The following LMX1B variants were observed in gnomAD, a reference collection of about 807,000 sequenced individuals.
LMX1B encodes the protein LIM homeobox transcription factor 1 beta.
In LMX1B, 12 loss-of-function variants were observed where a neutral mutation model predicts 51.4. The observed-to-expected ratio is 0.23, with a 90% CI of 0.15 to 0.38. The LOEUF is 0.38. Ranked by LOEUF, LMX1B falls within the 10% of genes least tolerant of loss-of-function variation. The pLI is 1.00. For missense variants in LMX1B, 445 were observed against 571.1 expected (o/e 0.78, Z 2.25); for synonymous variants, 237 against 235.4 (o/e 1.01, Z -0.06).
intron 2 of LMX1B, among the ~76,000 whole-genome samples, chr9:126,643,312 T>C (rs1042134449): frequency 6.6e-6 from 1 of 152,152 alleles, no homozygotes; most frequent in Admixed American, 6.5e-5. Flanking sequence ...GCCAACTCTC[T>C]TTGAGGCTCA....
chr9:126,669,717 C>A (rs968067003), intron 2 of LMX1B, among the ~76,000 whole-genome samples: 1 of 152,104 alleles, frequency 6.6e-6, no homozygotes, highest in Non-Finnish European at 1.5e-5. Context: ...ATTCTGGTCA[C>A]CTCATGTGTG....
intron 2 of LMX1B, among the ~76,000 whole-genome samples, chr9:126,632,353 AG>A: frequency 6.6e-6 from 1 of 151,914 alleles, no homozygotes; most frequent in Non-Finnish European, 1.5e-5. Flanking sequence ...GCATTCCAGG[AG>A]GGGGCCCTGG....
At chr9:126,678,863 G>T (rs1311568514) in intron 2 of LMX1B, among the ~76,000 whole-genome samples, 3 of 152,180 alleles carry the variant, frequency 2.0e-5, no homozygotes, top group Non-Finnish European at 4.4e-5. Flanking sequence ...AAAGAAAATT[G>T]ATTTAAAAAA....
rs1050663323 is a variant in LMX1B, at chr9:126,625,168, T to C, written c.326+9599T>C. ...CTTACAACCGTGTCCCCTCCACCCC[T>C]TCCGAGGACGGCGGGAAGAGGGGGC... On this transcript the variant is annotated intron_variant, in intron 2 of 7. Coordinates refer to ENST00000373474, the MANE Select transcript of LMX1B (RefSeq NM_001174147.2). This position sits in a 1 kb window ranked among gnomAD's most constrained non-coding sequence, Gnocchi z 5.3. Among the ~76,000 whole-genome samples the C allele has an allele frequency of 3.9e-5, 6 of 152,192 alleles. No individual in the cohort carries two copies. Among genetic ancestry groups the C allele is most frequent in the African/African-American group, 1.4e-4 (6 of 41,456 alleles).
intron 2 of LMX1B, among the ~76,000 whole-genome samples, chr9:126,637,832 C>A (rs1224166899): frequency 2.2e-5 from 3 of 139,212 alleles, no homozygotes; most frequent in African/African-American, 8.1e-5. Context: ...TCCCCCCCCC[C>A]CGCCCCCCGC....
intron 2 of LMX1B, among the ~76,000 whole-genome samples, chr9:126,637,310 G>T (rs994391853): frequency 6.6e-6 from 1 of 152,146 alleles, no homozygotes; most frequent in African/African-American, 2.4e-5. Context: ...GTGTGTGTCA[G>T]TGTGTGTGTC....
chr9:126,691,257 T>C (rs2030120910), intron 3 of LMX1B, among the ~76,000 whole-genome samples, 189 bp downstream of exon 3: 1 of 151,828 alleles, frequency 6.6e-6, no homozygotes, highest in South Asian at 2.1e-4. Context: ...CGAACATGCA[T>C]CCCCCCAGGC....
At position 126,673,968 on chromosome 9, in the gene LMX1B, A is replaced by G. The variant is rs1383546169; in HGVS notation, c.327-16868A>G. 6.6e-6 allele frequency among the ~76,000 whole-genome samples: 1 copy of G among 151,982 alleles called. No individual in the cohort carries two copies. Among genetic ancestry groups the G allele is most frequent in the African/African-American group, 2.4e-5 (1 of 41,330 alleles). The stretch of plus-strand genomic sequence containing the variant: ...CCTTGTCTGTCCGTCTGTTTGGGAG[A>G]TGCTGGCTGATAGATGGGGATGGGC... On this transcript the variant is annotated intron_variant, in intron 2 of 7. Coordinates refer to ENST00000373474, the MANE Select transcript of LMX1B (RefSeq NM_001174147.2). The surrounding 1 kb of genome is among the most constrained non-coding windows in gnomAD (Gnocchi z 4.4).
chr9:126,627,255 A>G (rs1274223320), intron 2 of LMX1B, among the ~76,000 whole-genome samples: 3 of 151,956 alleles, frequency 2.0e-5, no homozygotes, highest in Non-Finnish European at 2.9e-5. Flanking sequence ...CATCCACGAT[A>G]TAGTGCCCCT....
chr9:126,667,286 A>G (rs1404008970), intron 2 of LMX1B, among the ~76,000 whole-genome samples: 1 of 152,232 alleles, frequency 6.6e-6, no homozygotes, highest in East Asian at 1.9e-4. Flanking sequence ...ACCTGCGCAC[A>G]TCAGTACACG....
chr9:126,696,237 G>T, intron 7 of LMX1B, 57 bp from the exon 8 acceptor site: 1 of 1,571,332 alleles, frequency 6.4e-7, no homozygotes, highest in Middle Eastern at 1.7e-4. Flanking sequence ...GGGCAAACAG[G>T]GGGCCCCCAG....
chr9:126,682,929 A>G (rs1308700018), intron 2 of LMX1B, among the ~76,000 whole-genome samples: 3 of 149,836 alleles, frequency 2.0e-5, no homozygotes, highest in Non-Finnish European at 1.5e-5. Flanking sequence ...AGAAAGAAAT[A>G]TTTGTGGAAT....
At chr9:126,639,786 G>T (rs573164634) in intron 2 of LMX1B, among the ~76,000 whole-genome samples, 5 of 152,312 alleles carry the variant, frequency 3.3e-5, no homozygotes, top group African/African-American at 1.2e-4. Context: ...TGAGGCCCAT[G>T]CGGTTTATTT....
chr9:126,675,356 C>T (rs541600132), intron 2 of LMX1B, among the ~76,000 whole-genome samples: 1 of 152,276 alleles, frequency 6.6e-6, no homozygotes, highest in East Asian at 1.9e-4. Context: ...CAGAGAACGC[C>T]CTTTTGTATT....
chr9:126,669,523 G>T (rs907765727), intron 2 of LMX1B, among the ~76,000 whole-genome samples: 9 of 152,172 alleles, frequency 5.9e-5, no homozygotes, highest in African/African-American at 2.2e-4. Context: ...TTGGGCATCC[G>T]TGTGGGCCTG....
In LMX1B at chr9:126,673,346, G is replaced by A. The variant is rs1249590827; in HGVS notation, c.327-17490G>A. Among the ~76,000 whole-genome samples the A allele has an allele frequency of 6.6e-6, 1 of 152,142 alleles. No homozygotes were observed. Among genetic ancestry groups the A allele is most frequent in the African/African-American group, 2.4e-5 (1 of 41,412 alleles). ...CTGCGTGCTGCTGGCTGGACTTCCT[G>A]GGCGTCTGACACACCAGGCCCCACA... On this transcript the variant is annotated intron_variant, in intron 2 of 7. Transcript: ENST00000373474. The surrounding 1 kb of genome is among the most constrained non-coding windows in gnomAD (Gnocchi z 4.4).
Position 126,691,044 on chromosome 9 carries a change from G to A in LMX1B, c.535G>A (p.Val179Met), listed in dbSNP as rs181422024. The A allele has an allele frequency of 4.4e-5, 71 of 1,612,482 alleles. 1 individual carries two copies. The East Asian group carries it at 1.2e-3, about 28-fold the overall frequency. ...YEKEKDLLSSVSPDESDSVKS... is the reference protein window; with the variant it reads ...YEKEKDLLSSMSPDESDSVKS... ...GAAGGAGAAGGACCTGCTCAGCTCC[G>A]TGAGCCCCGACGAGTCCGACTCCGG... Residue 179 changes from valine to methionine, a missense_variant, in exon 3 of 8, where the codon GTG becomes ATG. This residue lies in a region of LMX1B where 273 missense variants were observed against 343.3 expected (regional missense o/e 0.80). Coordinates refer to ENST00000373474, the MANE Select transcript of LMX1B (RefSeq NM_001174147.2).
In LMX1B at chr9:126,671,648, G is replaced by A. The variant is rs1046521429; in HGVS notation, c.327-19188G>A. Among the ~76,000 whole-genome samples the A allele has an allele frequency of 9.2e-5, 14 of 152,210 alleles. No individual in the cohort carries two copies. Among genetic ancestry groups the A allele is most frequent in the African/African-American group, 2.7e-4 (11 of 41,454 alleles). On this transcript the variant is annotated intron_variant, in intron 2 of 7. Transcript: ENST00000373474. The surrounding 1 kb of genome is among the most constrained non-coding windows in gnomAD (Gnocchi z 4.4). The stretch of plus-strand genomic sequence containing the variant: ...ATCCTGTATCTTTTGAAAGATAGGC[G>A]CACCCCGGGATGAGAGGTCAGCGGG...
At chr9:126,678,804 A>C (rs1206460046) in intron 2 of LMX1B, among the ~76,000 whole-genome samples, 1 of 152,234 alleles carries the variant, frequency 6.6e-6, no homozygotes, top group African/African-American at 2.4e-5. Flanking sequence ...CAATGAGAAT[A>C]ATTTTAGGGA....
Sources: allele counts gnomAD v4.1 joint callset (sites outside exome capture counted in the v4.1 genomes callset), GRCh38; gene constraint gnomAD v4.1.1; regional missense constraint gnomAD v4.1.1; non-coding constraint Gnocchi (gnomAD v3.1); transcripts MANE v1.5; gene names NCBI Gene and HGNC (gene_info 2026-07-23, HGNC 2026-07-21).